Variants in PCDHGB2 observed in about 807,000 individuals in gnomAD.
The protein encoded by PCDHGB2 is protocadherin gamma-B2.
PCDHGB2 carries 55 observed loss-of-function variants against 59.3 expected under a neutral mutation model. The ratio of observed to expected loss-of-function variants is 0.93; its 90% CI spans 0.75 to 1.16. PCDHGB2 has a LOEUF of 1.16. Among genes scored for constraint, PCDHGB2 ranks in the 50% most tolerant of loss-of-function variants. The pLI is 0.00. For synonymous variants in PCDHGB2, 516 were observed against 512.0 expected, an observed-to-expected ratio of 1.01 and a Z score of -0.11; for missense variants, 1,228 against 1,198.5, an observed-to-expected ratio of 1.02 and a Z score of -0.36.
At chr5:141,366,305 A>C in intron 1 of PCDHGB2, 2 of 1,613,708 alleles carry the variant, frequency 1.2e-6, no homozygotes, top group South Asian at 1.1e-5. Flanking sequence ...AGCCACCTTC[A>C]CGGTCACCGT....
chr5:141,377,938 A>T (rs1447195904), intron 1 of PCDHGB2: 1 of 152,228 alleles, frequency 6.6e-6, no homozygotes, highest in Non-Finnish European at 1.5e-5. Flanking sequence ...ACTGCTGCTT[A>T]TAGAGTGTGT....
At chr5:141,410,413 T>C (rs1229133377) in intron 1 of PCDHGB2, 10 of 1,613,938 alleles carry the variant, frequency 6.2e-6, no homozygotes, top group Non-Finnish European at 8.5e-6. Context: ...AGTCTGGACC[T>C]GTAGTTCCCC....
intron 1 of PCDHGB2, chr5:141,383,459 A>G: frequency 6.2e-7 from 1 of 1,613,900 alleles, no homozygotes; most frequent in Non-Finnish European, 8.5e-7. Context: ...AGTGGAGACG[A>G]TGAAACTAAG....
intron 1 of PCDHGB2, among the ~76,000 whole-genome samples, chr5:141,401,792 T>C (rs1359997438): frequency 6.6e-6 from 1 of 152,212 alleles, no homozygotes; most frequent in Non-Finnish European, 1.5e-5. Context: ...CCTTAGTATG[T>C]GATTCAGTAA....
At chr5:141,433,362 T>C (rs1285511534) in intron 1 of PCDHGB2, 6 of 299,814 alleles carry the variant, frequency 2.0e-5, no homozygotes, top group Non-Finnish European at 2.5e-5. Flanking sequence ...TGTCTGCCTA[T>C]CTATCTATCT....
In PCDHGB2 at chr5:141,372,278, G is replaced by T. The variant is rs756938433; in HGVS notation, c.2421+9722G>T. The T allele has an allele frequency of 5.6e-6, 9 of 1,613,150 alleles. No individual in the cohort carries two copies. The Admixed American group carries it at 1.5e-4, about 27-fold the overall frequency. On this transcript the variant is annotated intron_variant, in intron 1 of 3. Coordinates refer to ENST00000522605, the MANE Select transcript of PCDHGB2 (RefSeq NM_018923.3). ...GCCTGCGCACGGGTGAGGTGCGCAC[G>T]GCGCGTACCTTGGGCGACAGGGAGG...
chr5:141,394,454 A>G (rs1394596470), intron 1 of PCDHGB2: 2 of 1,614,212 alleles, frequency 1.2e-6, no homozygotes, highest in Admixed American at 1.7e-5. Context: ...GCAACATGTC[A>G]CTGAGCCTGT....
chr5:141,360,944 A>T lies in PCDHGB2; in HGVS notation c.809A>T (p.Asp270Val). The change falls in exon 1 of 4, where the codon GAT becomes GTT. Residue 270 changes from aspartate (D) to valine (V), a missense_variant. Transcript: ENST00000522605. ...CTTCAAGTGACAGCCACCGACCGGG[A>T]TGAAGGCATAAACGCAGAGATCACC... Reference protein sequence around the residue: ...FVLQVTATDRDEGINAEITYS... With the variant: ...FVLQVTATDRVEGINAEITYS... 1 of 1,613,990 alleles carries T rather than the reference A, an allele frequency of 6.2e-7. No individual in the cohort carries two copies. Among genetic ancestry groups the T allele is most frequent in the East Asian group, 2.2e-5 (1 of 44,874 alleles).
rs2099068970 is a variant in PCDHGB2 at position 141,463,759 on chromosome 5, T to C, written c.2422-31048T>C. 2.0e-5 allele frequency among the ~76,000 whole-genome samples: 3 copies of C among 152,234 alleles called. No homozygotes were observed. The South Asian group carries it at 6.2e-4, about 32-fold the overall frequency. ...CCGCGCCCGGCCTGCTTCTCTTCTCTTATGGGTTAGAATCCTGCACTGTCT... is the reference window on the plus strand; with the variant it reads ...CCGCGCCCGGCCTGCTTCTCTTCTCCTATGGGTTAGAATCCTGCACTGTCT... On this transcript the variant is annotated intron_variant, in intron 1 of 3. Transcript: ENST00000522605.
At position 141,360,052 on chromosome 5, in the gene PCDHGB2, C is replaced by T; in HGVS notation, c.-84C>T. 1 of 1,436,126 alleles carries T rather than the reference C, an allele frequency of 7.0e-7. No homozygotes were observed. Among genetic ancestry groups the T allele is most frequent in the Non-Finnish European group, 9.2e-7 (1 of 1,086,450 alleles). The allele number at this position is 1,436,126 out of a possible 1,614,324, so 89.0% of individuals were successfully genotyped here. A position where few individuals can be genotyped will look rare whatever the true frequency, so the allele number is the denominator to read the frequency against. ...TAGATTCGGAAACAGAAAACAAAAG[C>T]AGGAAAAGTGACCTTAGCCCGGATT... is the stretch of plus-strand genomic sequence containing the variant. On this transcript the variant is annotated 5_prime_UTR_variant, in exon 1 of 4. Coordinates refer to ENST00000522605, the MANE Select transcript of PCDHGB2 (RefSeq NM_018923.3).
Position 141,361,665 on chromosome 5 carries a change from G to A in PCDHGB2, c.1530G>A (p.Gln510=), listed in dbSNP as rs368441959. 2.6e-4 allele frequency: 414 copies of A among 1,613,696 alleles called. 2 individuals are homozygous for A. In the African/African-American group the frequency reaches 4.6e-3, roughly 18 times the overall value. ...TATCCTACGTGTCCGTGAGCGCGCA[G>A]AGCGGGGTGGTGTTCGCGCAGCGCG... ...EILSYVSVSA[Q]SGVVFAQRAF... is the part of the protein sequence containing the mutation. Residue 510 remains glutamine, a synonymous_variant, in exon 1 of 4, where the codon CAG becomes CAA. Transcript: ENST00000522605.
chr5:141,438,231 TG>T (rs987686126), intron 1 of PCDHGB2, among the ~76,000 whole-genome samples: 1 of 152,082 alleles, frequency 6.6e-6, no homozygotes, highest in African/African-American at 2.4e-5. Context: ...TTCAGGAAAA[TG>T]TTTTTAAAAA....
At chr5:141,385,318 A>G (rs373167861) in intron 1 of PCDHGB2, 2 of 1,610,212 alleles carry the variant, frequency 1.2e-6, no homozygotes, top group Non-Finnish European at 1.7e-6. Context: ...CCTGCCAAGT[A>G]TTCAGGTGAG....
intron 1 of PCDHGB2, chr5:141,408,218 G>A: frequency 6.4e-7 from 1 of 1,557,454 alleles, no homozygotes; most frequent in South Asian, 1.2e-5. Context: ...AGGGAGCTGC[G>A]CGCAGAGGCG....
chr5:141,467,055 CTTT>C (rs1193465269), intron 1 of PCDHGB2, among the ~76,000 whole-genome samples: 5 of 134,460 alleles, frequency 3.7e-5, no homozygotes, highest in Admixed American at 7.5e-5. Context: ...TCAATGTTTT[CTTT>C]TTTTTTTTTT....
At chr5:141,409,524 A>AT (rs1357085904) in intron 1 of PCDHGB2, 9 of 1,613,854 alleles carry the variant, frequency 5.6e-6, no homozygotes, top group Non-Finnish European at 6.8e-6. Context: ...ATCACCTTGT[A>AT]TGTCGCTGAC....
rs745716373 is a variant in PCDHGB2, at chr5:141,383,166, G to A, written c.2421+20610G>A. 10 of 1,614,130 alleles carry A rather than the reference G, an allele frequency of 6.2e-6. No individual in the cohort carries two copies. In the Admixed American group the frequency reaches 1.3e-4, roughly 22 times the overall value. On this transcript the variant is annotated intron_variant, in intron 1 of 3. Coordinates refer to ENST00000522605, the MANE Select transcript of PCDHGB2 (RefSeq NM_018923.3). ...GCGGCAGCTTGGTCACTGCGGGCAG[G>A]ATAGACCGGGAAGAGATCTGCGCTC...
At chr5:141,400,302 T>A (rs7701363) in intron 1 of PCDHGB2, 1 of 1,614,082 alleles carries the variant, frequency 6.2e-7, no homozygotes, top group African/African-American at 1.3e-5. Context: ...GCTTCCAACC[T>A]GGTCTCTGTG....
intron 1 of PCDHGB2, among the ~76,000 whole-genome samples, chr5:141,446,948 T>C (rs1166868490): frequency 6.6e-6 from 1 of 152,186 alleles, no homozygotes; most frequent in African/African-American, 2.4e-5. Context: ...GTAAGAAACA[T>C]CCAGCACCCA....
Sources: gnomAD v4.1 joint callset for allele counts (sites outside exome capture counted in the v4.1 genomes callset) on GRCh38, gnomAD v4.1.1 for gene constraint, MANE v1.5 for transcripts, NCBI Gene and HGNC (gene_info 2026-07-23, HGNC 2026-07-21) for gene names.